The following SLC25A13 variants were observed in gnomAD, a reference collection of about 807,000 sequenced individuals.
SLC25A13 encodes the protein solute carrier family 25 member 13.
In SLC25A13, 70 loss-of-function variants were observed where a neutral mutation model predicts 85.5. The ratio of observed to expected loss-of-function variants is 0.82; its 90% CI spans 0.68 to 1.00. The LOEUF (loss-of-function observed/expected upper bound fraction) is 1.00. Ranked by LOEUF, SLC25A13 falls within the 50% of genes least tolerant of loss-of-function variation. The pLI is 0.00. For synonymous variants in SLC25A13, 259 were observed against 288.7 expected (o/e 0.90, Z 1.04); for missense variants, 765 against 819.8 (o/e 0.93, Z 0.82).
At chr7:96,160,956 T>C (rs562855240) in intron 13 of SLC25A13, among the ~76,000 whole-genome samples, 1 of 150,582 alleles carries the variant, frequency 6.6e-6, no homozygotes, top group Admixed American at 6.6e-5. Flanking sequence ...CCAATTTAGA[T>C]AGTGCCATGA....
intron 2 of SLC25A13, among the ~76,000 whole-genome samples, chr7:96,277,797 TTA>T (rs1491148965): frequency 2.2e-5 from 2 of 91,288 alleles, no homozygotes; most frequent in Admixed American, 1.1e-4. Flanking sequence ...ACATAGCTTT[TTA>T]AAAAAAAAAA....
At chr7:96,215,588 AAAT>A (rs1795865575) in intron 4 of SLC25A13, among the ~76,000 whole-genome samples, 1 of 152,194 alleles carries the variant, frequency 6.6e-6, no homozygotes, top group South Asian at 2.1e-4. Context: ...TCCATATGCA[AAAT>A]AATGAAGTTG....
At chr7:96,204,432 T>A (rs1292720008) in intron 5 of SLC25A13, among the ~76,000 whole-genome samples, 1 of 152,056 alleles carries the variant, frequency 6.6e-6, no homozygotes, top group African/African-American at 2.4e-5. Context: ...CCCAGCACTT[T>A]GAGAGGCCAA....
At chr7:96,253,069 G>C (rs1264955794) in intron 3 of SLC25A13, among the ~76,000 whole-genome samples, 2 of 152,196 alleles carry the variant, frequency 1.3e-5, no homozygotes, top group African/African-American at 2.4e-5. Context: ...ACTCCAGCCT[G>C]GCTAACAGAG....
chr7:96,239,479 G>T (rs1212234837), intron 3 of SLC25A13, among the ~76,000 whole-genome samples: 1 of 151,918 alleles, frequency 6.6e-6, no homozygotes, highest in Non-Finnish European at 1.5e-5. Flanking sequence ...GCTTAATCAA[G>T]TTCAGACCTG....
chr7:96,175,270 TG>T (rs1441782127), intron 11 of SLC25A13, among the ~76,000 whole-genome samples: 1 of 152,170 alleles, frequency 6.6e-6, no homozygotes, highest in African/African-American at 2.4e-5. Context: ...AGGAAACAGT[TG>T]GTGTGCAAAG....
At chr7:96,219,758 T>C (rs543648903) in intron 4 of SLC25A13, 1 of 534,144 alleles carries the variant, frequency 1.9e-6, no homozygotes, top group South Asian at 1.4e-5. Context: ...TTGATAAGAC[T>C]CCCTCCTCCT....
intron 13 of SLC25A13, among the ~76,000 whole-genome samples, chr7:96,152,024 A>G (rs1793069882): frequency 6.6e-6 from 1 of 152,232 alleles, no homozygotes; most frequent in African/African-American, 2.4e-5. Context: ...GCTATTTAAC[A>G]TGCTTGGAGT....
intron 1 of SLC25A13, among the ~76,000 whole-genome samples, chr7:96,318,696 T>G (rs1013643911): frequency 6.6e-6 from 1 of 152,230 alleles, no homozygotes; most frequent in African/African-American, 2.4e-5. Context: ...TTAGCTGTAT[T>G]TAAATAAGTA....
chr7:96,262,522 T>TA (rs79897877), intron 3 of SLC25A13, among the ~76,000 whole-genome samples: 97,872 of 150,710 alleles, frequency 0.65, 32,010 homozygotes, highest in African/African-American at 0.69. Flanking sequence ...CTCCTCAGTT[T>TA]AAAAAAAAAG....
At chr7:96,293,904 A>C (rs1420529572) in intron 2 of SLC25A13, among the ~76,000 whole-genome samples, 1 of 152,214 alleles carries the variant, frequency 6.6e-6, no homozygotes, top group Non-Finnish European at 1.5e-5. Context: ...TAGAAATACC[A>C]TTTGACCCAG....
chr7:96,131,371 T>C (rs1219983078), intron 15 of SLC25A13, among the ~76,000 whole-genome samples: 1 of 152,096 alleles, frequency 6.6e-6, no homozygotes, highest in African/African-American at 2.4e-5. Context: ...TATGCACTAT[T>C]TTTTTTAGAC....
intron 7 of SLC25A13, 83 bp from the exon 8 acceptor site, chr7:96,189,757 G>C: frequency 9.2e-7 from 1 of 1,088,518 alleles, no homozygotes. Flanking sequence ...ACTGGAATGA[G>C]TGAACATCAC....
intron 7 of SLC25A13, among the ~76,000 whole-genome samples, chr7:96,190,388 C>T (rs1285549892): frequency 1.3e-5 from 2 of 151,614 alleles, no homozygotes; most frequent in Non-Finnish European, 2.9e-5. Flanking sequence ...ACCGCACCGG[C>T]TCTGATTTTT....
chr7:96,183,772 C>T (rs1794510023), intron 11 of SLC25A13, among the ~76,000 whole-genome samples: 1 of 151,990 alleles, frequency 6.6e-6, no homozygotes, highest in Non-Finnish European at 1.5e-5. Flanking sequence ...GAAACCTTGG[C>T]TAGAGGGGTG....
At chr7:96,173,654 A>G (rs550786789) in intron 11 of SLC25A13, among the ~76,000 whole-genome samples, 2 of 152,290 alleles carry the variant, frequency 1.3e-5, no homozygotes, top group South Asian at 2.1e-4. Flanking sequence ...GCCTCAAGCA[A>G]TCCTCCTGCC....
At chr7:96,313,378 G>A (rs1584611099) in intron 1 of SLC25A13, among the ~76,000 whole-genome samples, 1 of 152,304 alleles carries the variant, frequency 6.6e-6, no homozygotes, top group East Asian at 1.9e-4. Context: ...CCCATCAATG[G>A]TGAATTGCAT....
chr7:96,240,430 CAT>C (rs1796926052), intron 3 of SLC25A13, among the ~76,000 whole-genome samples: 3 of 152,134 alleles, frequency 2.0e-5, no homozygotes, highest in Admixed American at 2.0e-4. Flanking sequence ...GCCTATTCTA[CAT>C]GTTTGGCAGA....
intron 2 of SLC25A13, among the ~76,000 whole-genome samples, chr7:96,286,563 A>G (rs1798895009): frequency 2.6e-5 from 4 of 152,214 alleles, no homozygotes; most frequent in Admixed American, 2.0e-4. Context: ...GACTCTCCAT[A>G]GAAAGATATA....
Sources: allele counts gnomAD v4.1 joint callset (sites outside exome capture counted in the v4.1 genomes callset), GRCh38; gene constraint gnomAD v4.1.1; transcripts MANE v1.5; gene names NCBI Gene and HGNC (gene_info 2026-07-23, HGNC 2026-07-21).